RNF144B: variants seen among roughly 807,000 people sequenced by gnomAD.
The protein encoded by RNF144B is ring finger protein 144B.
RNF144B carries 25 observed loss-of-function variants against 40.2 expected under a neutral mutation model. That is an observed-to-expected ratio of 0.62 (90% CI 0.45 to 0.87). RNF144B has a LOEUF of 0.87. Among genes scored for constraint, RNF144B ranks in the 40% least tolerant of loss-of-function variants. RNF144B has a pLI of 0.00. For synonymous variants in RNF144B, 145 were observed against 136.3 expected, an observed-to-expected ratio of 1.06 and a Z score of -0.44; for missense variants, 365 against 373.7, an observed-to-expected ratio of 0.98 and a Z score of 0.19.
At chr6:18,438,891 T>C (rs1758886874) in intron 3 of RNF144B, among the ~76,000 whole-genome samples, 1 of 152,206 alleles carries the variant, frequency 6.6e-6, no homozygotes, top group Non-Finnish European at 1.5e-5. Flanking sequence ...TTCTCATATA[T>C]AAATCTTTAA....
At chr6:18,449,665 G>A (rs1388364603) in intron 4 of RNF144B, among the ~76,000 whole-genome samples, 2 of 150,784 alleles carry the variant, frequency 1.3e-5, no homozygotes, top group Non-Finnish European at 2.9e-5. Context: ...AGATAAAATT[G>A]TATGTATTTA....
chr6:18,445,787 C>T lies in RNF144B; in HGVS notation c.331+6043C>T, dbSNP rs137866958. On this transcript the variant is annotated intron_variant, in intron 4 of 7. Coordinates refer to ENST00000259939, the MANE Select transcript of RNF144B (RefSeq NM_182757.4). ...ATGCAGAAGTAATTAGTTGACTAGGCATCAGTTCACTTTCTTCCAACATTG... is the reference window on the plus strand; with the variant it reads ...ATGCAGAAGTAATTAGTTGACTAGGTATCAGTTCACTTTCTTCCAACATTG... Among the ~76,000 whole-genome samples, 8 of 152,260 alleles carry T rather than the reference C, an allele frequency of 5.3e-5. No homozygotes were observed. In the East Asian group the frequency reaches 1.4e-3, roughly 26 times the overall value.
chr6:18,424,217 G>C (rs527287060), intron 2 of RNF144B, among the ~76,000 whole-genome samples: 379 of 152,304 alleles, frequency 2.5e-3, no homozygotes, highest in Non-Finnish European at 3.7e-3. Flanking sequence ...TACAGAAGAA[G>C]AGAGGGACAC....
At chr6:18,462,750 G>A (rs538094910) in intron 6 of RNF144B, among the ~76,000 whole-genome samples, 4 of 151,392 alleles carry the variant, frequency 2.6e-5, no homozygotes, top group African/African-American at 9.7e-5. Context: ...CAAGTTCAAC[G>A]TGTCCAAACT....
intron 1 of RNF144B, among the ~76,000 whole-genome samples, chr6:18,390,094 A>G (rs1446670086): frequency 3.9e-5 from 6 of 152,222 alleles, no homozygotes; most frequent in Admixed American, 3.9e-4. Context: ...TCATAAGGTC[A>G]GAAGTGACTT....
intron 2 of RNF144B, among the ~76,000 whole-genome samples, chr6:18,421,377 T>C (rs1301217810): frequency 6.6e-6 from 1 of 152,022 alleles, no homozygotes; most frequent in Non-Finnish European, 1.5e-5. Context: ...TGATGAGTGA[T>C]GTTTAACTTT....
In RNF144B at chr6:18,398,110, A is replaced by AG. The variant is rs563877660; in HGVS notation, c.-36-1387dup. Among the ~76,000 whole-genome samples the AG allele has an allele frequency of 2.6e-4, 40 of 152,102 alleles. No homozygotes were observed. The South Asian group carries it at 8.3e-3, about 32-fold the overall frequency. The stretch of plus-strand genomic sequence containing the variant: ...GGCAACAGAGAGAGACCCTTTCTCT[A>AG]GGAAAAAAAAACCCCACAAACAGTA... On this transcript the variant is annotated intron_variant, in intron 1 of 7. Coordinates refer to ENST00000259939, the MANE Select transcript of RNF144B (RefSeq NM_182757.4). This position sits in a 1 kb window ranked among gnomAD's most constrained non-coding sequence, Gnocchi z 5.0.
Position 18,457,392 on chromosome 6 carries a change from C to T in RNF144B, c.536+33C>T. On this transcript the variant is annotated intron_variant, in intron 5 of 7. Transcript: ENST00000259939. This position sits in a 1 kb window ranked among gnomAD's most constrained non-coding sequence, Gnocchi z 5.1. ...AGGAAACTTTGTCTTTGGGATTATTCACTAGTTTTCTTAGAAATTCAACAT... is the reference window on the plus strand; with the variant it reads ...AGGAAACTTTGTCTTTGGGATTATTTACTAGTTTTCTTAGAAATTCAACAT... 6.6e-7 allele frequency: 1 copy of T among 1,519,180 alleles called. No homozygotes were observed. The highest frequency in any genetic ancestry group is 9.1e-7 in the Non-Finnish European group (1 of 1,093,424). 94.1% of individuals were successfully genotyped at this position (1,519,180 alleles called of 1,614,324 possible).
chr6:18,403,170 T>C (rs187827163), intron 2 of RNF144B, among the ~76,000 whole-genome samples: 62 of 152,336 alleles, frequency 4.1e-4, no homozygotes, highest in African/African-American at 1.5e-3. Flanking sequence ...CTTTTCTGGG[T>C]TTGCAATGCG....
intron 3 of RNF144B, among the ~76,000 whole-genome samples, chr6:18,435,321 G>T (rs1758792514): frequency 6.6e-6 from 1 of 152,152 alleles, no homozygotes; most frequent in South Asian, 2.1e-4. Flanking sequence ...TGCTTTTACT[G>T]CTCGAATATG....
chr6:18,457,103 G>T lies in RNF144B; in HGVS notation c.332-52G>T. On this transcript the variant is annotated intron_variant, in intron 4 of 7. Transcript: ENST00000259939. This position sits in a 1 kb window ranked among gnomAD's most constrained non-coding sequence, Gnocchi z 5.1. Reference sequence around the variant, plus strand: ...TAAGAGGGCAAATGAAGGTGAGAAAGACTCAAACATGAATCGGGCAGACCA... The same window carrying T: ...TAAGAGGGCAAATGAAGGTGAGAAATACTCAAACATGAATCGGGCAGACCA... The T allele has an allele frequency of 7.4e-7, 1 of 1,342,644 alleles. No individual in the cohort carries two copies. The highest frequency in any genetic ancestry group is 1.2e-5 in the South Asian group (1 of 85,588). The allele number at this position is 1,342,644 out of a possible 1,614,324, so 83.2% of individuals were successfully genotyped here.
Position 18,457,485 on chromosome 6 carries a change from C to G in RNF144B, c.536+126C>G. On this transcript the variant is annotated intron_variant, in intron 5 of 7. Transcript: ENST00000259939. The surrounding 1 kb of genome is among the most constrained non-coding windows in gnomAD (Gnocchi z 5.1). ...ATTGGTTATTTTCCTGCAGAACTTCCCTGAGAAGTGTCTCAGAATTGGTAA... is the reference window on the plus strand; with the variant it reads ...ATTGGTTATTTTCCTGCAGAACTTCGCTGAGAAGTGTCTCAGAATTGGTAA... The G allele has an allele frequency of 1.4e-6, 1 of 739,836 alleles. No homozygotes were observed. 45.8% of individuals were successfully genotyped at this position (739,836 alleles called of 1,614,324 possible).
At position 18,466,066 on chromosome 6, in the gene RNF144B, T is replaced by C. The variant is rs1429072705; in HGVS notation, c.*999T>C. The C allele has an allele frequency of 6.6e-6, 1 of 152,216 alleles. No homozygotes were observed. Among genetic ancestry groups the C allele is most frequent in the African/African-American group, 2.4e-5 (1 of 41,456 alleles). The allele number at this position is 152,216 out of a possible 1,614,324, so 9.4% of individuals were successfully genotyped here. A position where few individuals can be genotyped will look rare whatever the true frequency, so the allele number is the denominator to read the frequency against. ...TCTATCCATTGAGCATGCATGGATA[T>C]ACCCAATAGTACACACAAAATAAAT... On this transcript the variant is annotated 3_prime_UTR_variant, in exon 8 of 8. Coordinates refer to ENST00000259939, the MANE Select transcript of RNF144B (RefSeq NM_182757.4).
chr6:18,422,133 T>A lies in RNF144B; in HGVS notation c.166-5448T>A, dbSNP rs1758441331. ...AAACAGCTTCCTGCCTAGCTATAGG[T>A]TGTTAATTTGTCTGAATATTTTCAA... On this transcript the variant is annotated intron_variant, in intron 2 of 7. Transcript: ENST00000259939. The surrounding 1 kb of genome is among the most constrained non-coding windows in gnomAD (Gnocchi z 4.7). Among the ~76,000 whole-genome samples, 1 of 152,030 alleles carries A rather than the reference T, an allele frequency of 6.6e-6. No homozygotes were observed. The highest frequency in any genetic ancestry group is 1.5e-5 in the Non-Finnish European group (1 of 67,986).
At chr6:18,387,724 AC>A in intron 1 of RNF144B, 94 bp downstream of exon 1, 1 of 1,082,428 alleles carries the variant, frequency 9.2e-7, no homozygotes, top group Non-Finnish European at 1.2e-6. Flanking sequence ...TCACTGTGAC[AC>A]CACAATTTTT....
At position 18,465,000 on chromosome 6, in the gene RNF144B, G is replaced by A. The variant is rs1177888219; in HGVS notation, c.845G>A (p.Cys282Tyr). The A allele has an allele frequency of 6.2e-7, 1 of 1,613,740 alleles. No individual in the cohort carries two copies. Among genetic ancestry groups the A allele is most frequent in the Non-Finnish European group, 8.5e-7 (1 of 1,179,950 alleles). Residue 282 changes from cysteine to tyrosine, a missense_variant, in exon 8 of 8, where the codon TGT (cysteine) becomes TAT (tyrosine). Transcript: ENST00000259939. This position sits in a 1 kb window ranked among gnomAD's most constrained non-coding sequence, Gnocchi z 6.1. Reference sequence around the variant, plus strand: ...CCCTTGTTACTCCTGGCCTCCCCATGTATAATCTGTTGTGTCTGCAAGTCC... The same window carrying A: ...CCCTTGTTACTCCTGGCCTCCCCATATATAATCTGTTGTGTCTGCAAGTCC... ...TSPLLLLASP[C>Y]IICCVCKSCR...
Position 18,444,440 on chromosome 6 carries a change from T to C in RNF144B, c.331+4696T>C, listed in dbSNP as rs1198822418. Among the ~76,000 whole-genome samples, 2 of 152,016 alleles carry C rather than the reference T, an allele frequency of 1.3e-5. No homozygotes were observed. The highest frequency in any genetic ancestry group is 2.4e-5 in the African/African-American group (1 of 41,440). On this transcript the variant is annotated intron_variant, in intron 4 of 7. Transcript: ENST00000259939. The surrounding 1 kb of genome is among the most constrained non-coding windows in gnomAD (Gnocchi z 4.3). ...GCAAGAATTTTTCTTGCCTCTTGTTTCCAGAGTCTACTTTTTCAAAATAGT... is the reference window on the plus strand; with the variant it reads ...GCAAGAATTTTTCTTGCCTCTTGTTCCCAGAGTCTACTTTTTCAAAATAGT...
chr6:18,420,390 A>G (rs1049052145), intron 2 of RNF144B, among the ~76,000 whole-genome samples: 1 of 151,986 alleles, frequency 6.6e-6, no homozygotes, highest in African/African-American at 2.4e-5. Context: ...AGTGTCTACT[A>G]TGTGCCAGGT....
rs200384483 is a variant in RNF144B, at chr6:18,464,907, C to G, written c.772-20C>G. On this transcript the variant is annotated intron_variant, in intron 7 of 7. Transcript: ENST00000259939. The surrounding 1 kb of genome is among the most constrained non-coding windows in gnomAD (Gnocchi z 6.1). ...TGAAAGACTTAATTGCTGAAATATGCTTTTCTTTGAAATTTCCAGGTGGTG... is the reference window on the plus strand; with the variant it reads ...TGAAAGACTTAATTGCTGAAATATGGTTTTCTTTGAAATTTCCAGGTGGTG... 1.2e-6 allele frequency: 2 copies of G among 1,612,978 alleles called. No homozygotes were observed.
Sources: allele counts gnomAD v4.1 joint callset (sites outside exome capture counted in the v4.1 genomes callset), GRCh38; gene constraint gnomAD v4.1.1; non-coding constraint Gnocchi (gnomAD v3.1); transcripts MANE v1.5; gene names NCBI Gene and HGNC (gene_info 2026-07-23, HGNC 2026-07-21).